The following MRPS28 variants were observed in gnomAD, a reference collection of about 807,000 sequenced individuals.
The protein encoded by MRPS28 is mitochondrial ribosomal protein S28, also known as small ribosomal subunit protein bS1m.
MRPS28 carries 7 observed loss-of-function variants against 10.8 expected under a neutral mutation model. The observed-to-expected ratio is 0.65, with a 90% CI of 0.37 to 1.22. The LOEUF (loss-of-function observed/expected upper bound fraction) is 1.22. Among genes scored for constraint, MRPS28 ranks in the 50% most tolerant of loss-of-function variants. The probability of loss-of-function intolerance (pLI) is 0.02; values close to 1 mark genes in which losing one functional copy is unlikely to be tolerated. For missense variants in MRPS28, 265 were observed against 232.9 expected, an observed-to-expected ratio of 1.14 and a Z score of -0.90; for synonymous variants, 121 against 93.3, an observed-to-expected ratio of 1.30 and a Z score of -1.71.
At chr8:80,026,338 T>C (rs1365376202) in intron 1 of MRPS28, among the ~76,000 whole-genome samples, 1 of 152,254 alleles carries the variant, frequency 6.6e-6, no homozygotes, top group Non-Finnish European at 1.5e-5. Flanking sequence ...TAATGTGGTA[T>C]TTTCAATTTC....
intron 1 of MRPS28, among the ~76,000 whole-genome samples, chr8:80,004,135 G>A (rs986000300): frequency 3.9e-5 from 6 of 152,204 alleles, no homozygotes; most frequent in Non-Finnish European, 7.3e-5. Context: ...TTTGAAGAGA[G>A]TAGTGGTTCT....
At chr8:79,974,037 A>G (rs1249034270) in intron 2 of MRPS28, among the ~76,000 whole-genome samples, 1 of 152,030 alleles carries the variant, frequency 6.6e-6, no homozygotes, top group Non-Finnish European at 1.5e-5. Flanking sequence ...GAGCCACTGC[A>G]CCTGGCCTAG....
intron 1 of MRPS28, among the ~76,000 whole-genome samples, chr8:80,018,134 A>G (rs1015871778): frequency 3.3e-5 from 5 of 152,042 alleles, no homozygotes; most frequent in Admixed American, 6.6e-5. Flanking sequence ...CTAACAATAC[A>G]AAAACAAAAC....
intron 2 of MRPS28, among the ~76,000 whole-genome samples, chr8:79,972,868 T>C (rs1181927573): frequency 1.3e-5 from 2 of 152,164 alleles, no homozygotes; most frequent in South Asian, 2.1e-4. Context: ...TATAGATAAA[T>C]GTCAAACATT....
intron 2 of MRPS28, among the ~76,000 whole-genome samples, chr8:79,919,967 T>G (rs1446135148): frequency 9.2e-6 from 1 of 108,680 alleles, no homozygotes; most frequent in African/African-American, 3.6e-5. Flanking sequence ...CAGGCCCCGG[T>G]GTGTGATGTT....
chr8:79,971,304 T>C (rs1387689132), intron 2 of MRPS28, among the ~76,000 whole-genome samples: 1 of 152,236 alleles, frequency 6.6e-6, no homozygotes, highest in South Asian at 2.1e-4. Context: ...TTGACTCCCT[T>C]ATCAAGCTAT....
At chr8:79,922,764 T>C (rs1001046443) in intron 2 of MRPS28, among the ~76,000 whole-genome samples, 2 of 152,080 alleles carry the variant, frequency 1.3e-5, no homozygotes, top group South Asian at 2.1e-4. Flanking sequence ...ATCAACATTA[T>C]AGAATAGCAA....
chr8:80,003,166 AT>A lies in MRPS28; in HGVS notation c.227del (p.Asn76MetfsTer9). ...TCAGCATAGATGCAAAGGATTCCAC[AT>A]TTTTTGGAGAACCCTAAATATGAAA... Reference protein sequence around the residue: ...VEPLQKGSPKNVESFASMLRH... With the variant: ...VEPLQKGSPKXVESFASMLRH... On this transcript the variant is annotated frameshift_variant, in exon 2 of 3. Coordinates refer to ENST00000276585, the MANE Select transcript of MRPS28 (RefSeq NM_014018.3). LOFTEE classifies it high-confidence loss of function. 1 of 1,583,698 alleles carries A rather than the reference AT, an allele frequency of 6.3e-7. No homozygotes were observed.
chr8:79,962,470 A>G (rs1807397151), intron 2 of MRPS28, among the ~76,000 whole-genome samples: 1 of 152,182 alleles, frequency 6.6e-6, no homozygotes, highest in African/African-American at 2.4e-5. Context: ...TAACGCCTCC[A>G]AACATTCAAG....
chr8:79,972,235 A>G (rs1407505979), intron 2 of MRPS28, among the ~76,000 whole-genome samples: 2 of 152,226 alleles, frequency 1.3e-5, no homozygotes, highest in African/African-American at 2.4e-5. Flanking sequence ...GATTTCAAGT[A>G]TACAGGAGAA....
chr8:79,975,303 G>A (rs1294645024), intron 2 of MRPS28, among the ~76,000 whole-genome samples: 1 of 151,858 alleles, frequency 6.6e-6, no homozygotes, highest in East Asian at 1.9e-4. Context: ...CCTTGGAAAA[G>A]ATAATTAATT....
At chr8:80,004,818 C>T (rs1201574152) in intron 1 of MRPS28, among the ~76,000 whole-genome samples, 2 of 152,212 alleles carry the variant, frequency 1.3e-5, no homozygotes, top group Admixed American at 1.3e-4. Flanking sequence ...AAAACCACGG[C>T]ACAAGAACTA....
intron 2 of MRPS28, among the ~76,000 whole-genome samples, chr8:79,946,070 C>T (rs1188922498): frequency 6.6e-6 from 1 of 152,110 alleles, no homozygotes; most frequent in African/African-American, 2.4e-5. Flanking sequence ...TATGCAAGGT[C>T]CTTAAGATGT....
intron 1 of MRPS28, among the ~76,000 whole-genome samples, chr8:80,014,370 T>C (rs1428685891): frequency 6.7e-6 from 1 of 149,672 alleles, no homozygotes; most frequent in Non-Finnish European, 1.5e-5. Flanking sequence ...TGGTTTGTTA[T>C]GCAGCAGTAA....
At chr8:79,984,982 GCACCA>G (rs1322092695) in intron 2 of MRPS28, among the ~76,000 whole-genome samples, 1 of 151,962 alleles carries the variant, frequency 6.6e-6, no homozygotes, top group African/African-American at 2.4e-5. Flanking sequence ...ATTTTTTTCA[GCACCA>G]CACCACACCT....
intron 1 of MRPS28, among the ~76,000 whole-genome samples, chr8:80,013,321 C>T (rs1373335642): frequency 6.6e-6 from 1 of 151,748 alleles, no homozygotes; most frequent in African/African-American, 2.4e-5. Flanking sequence ...AACATCCTAC[C>T]CAGTTACCTC....
intron 2 of MRPS28, among the ~76,000 whole-genome samples, chr8:79,945,353 C>T (rs1806882922): frequency 6.6e-6 from 1 of 152,134 alleles, no homozygotes; most frequent in African/African-American, 2.4e-5. Context: ...AGCCCTGCAA[C>T]AAACCTCAGC....
In MRPS28 at chr8:79,940,905, G is replaced by T. The variant is rs554285859; in HGVS notation, c.396-21757C>A. Among the ~76,000 whole-genome samples, 4 of 152,252 alleles carry T rather than the reference G, an allele frequency of 2.6e-5. No individual in the cohort carries two copies. The South Asian group carries it at 8.3e-4, about 32-fold the overall frequency. On this transcript the variant is annotated intron_variant, in intron 2 of 2. Transcript: ENST00000276585. ...AAAAAGCAATGAAGCACGCAACATTGATTTTTATTTCATTATTTTTTGGAC... is the reference window on the plus strand; with the variant it reads ...AAAAAGCAATGAAGCACGCAACATTTATTTTTATTTCATTATTTTTTGGAC...
intron 2 of MRPS28, among the ~76,000 whole-genome samples, chr8:79,999,942 T>C (rs1365683455): frequency 2.6e-5 from 4 of 152,188 alleles, no homozygotes; most frequent in Non-Finnish European, 1.5e-5. Flanking sequence ...TTTTGACTAC[T>C]GTTATTTTCC....
Sources: allele counts gnomAD v4.1 joint callset (sites outside exome capture counted in the v4.1 genomes callset), GRCh38; gene constraint gnomAD v4.1.1; transcripts MANE v1.5; gene names NCBI Gene and HGNC (gene_info 2026-07-23, HGNC 2026-07-21).